The following HEATR4 variants were observed in gnomAD, a reference collection of about 807,000 sequenced individuals.
HEATR4 encodes HEAT repeat containing 4, also known as HEAT repeat-containing protein 4.
HEATR4 carries 95 observed loss-of-function variants against 108.8 expected under a neutral mutation model. That is an observed-to-expected ratio of 0.87 (90% CI 0.74 to 1.04). HEATR4 has a LOEUF of 1.04. Among genes scored for constraint, HEATR4 ranks in the 50% least tolerant of loss-of-function variants. The pLI is 0.00. For missense variants in HEATR4, 1,152 were observed against 1,253.8 expected (o/e 0.92, Z 1.23); for synonymous variants, 443 against 459.4 (o/e 0.96, Z 0.46).
At chr14:73,561,324 C>T (rs1436923581), upstream of HEATR4, among the ~76,000 whole-genome samples, 1 of 151,092 alleles carries the variant, frequency 6.6e-6, no homozygotes, top group Admixed American at 6.6e-5. Context: ...CAAGATCTCG[C>T]CATTGTGGTC....
At position 73,478,603 on chromosome 14, in the gene HEATR4, A is replaced by T. The variant is rs1885105619; in HGVS notation, c.*3T>A. The T allele has an allele frequency of 1.9e-6, 3 of 1,594,196 alleles. No individual in the cohort carries two copies. The highest frequency in any genetic ancestry group is 2.6e-6 in the Non-Finnish European group (3 of 1,162,782). ...GCATCTTGAAGTAAGACAAGTGTTCAGCTTAGAGATGAGCACCTTTCTTTC... is the reference window on the plus strand; with the variant it reads ...GCATCTTGAAGTAAGACAAGTGTTCTGCTTAGAGATGAGCACCTTTCTTTC... On this transcript the variant is annotated 3_prime_UTR_variant, in exon 18 of 18. Coordinates refer to ENST00000553558, the MANE Select transcript of HEATR4 (RefSeq NM_001220484.1).
rs1488314482 is a variant in HEATR4, at chr14:73,532,019, T to C, written c.-151-1775A>G. On this transcript the variant is annotated intron_variant, in intron 1 of 17. Coordinates refer to ENST00000553558, the MANE Select transcript of HEATR4 (RefSeq NM_001220484.1). ...TGCACTCCAGCCTGGGCAGCAAGAG[T>C]GAAGTGCAGTCTCAAAAAATAAAAA... Among the ~76,000 whole-genome samples the C allele has an allele frequency of 6.2e-5, 7 of 112,472 alleles. 3 individuals are homozygous for C. The highest frequency in any genetic ancestry group is 1.4e-4 in the Non-Finnish European group (7 of 51,790). 73.8% of individuals were successfully genotyped at this position (112,472 alleles called of 152,430 possible).
chr14:73,569,651 T>G, the HEATR4 span: 1 of 1,605,598 alleles, frequency 6.2e-7, no homozygotes, highest in Admixed American at 1.7e-5. Context: ...TCGCGGGGCT[T>G]GAGCCCATGG....
At position 73,506,507 on chromosome 14, in the gene HEATR4, G is replaced by A. The variant is rs1241289456; in HGVS notation, c.1946C>T (p.Ala649Val). The A allele has an allele frequency of 3.7e-6, 6 of 1,613,772 alleles. No homozygotes were observed. The East Asian group carries it at 1.1e-4, about 30-fold the overall frequency. ...NSCQWKNRIV[A>V]CQAFSRISGN... Reference sequence around the variant, plus strand: ...ACTGATCCGGGAGAAAGCCTGGCAGGCCACAATCCGGTTCTTCCATTGACA... The same window carrying A: ...ACTGATCCGGGAGAAAGCCTGGCAGACCACAATCCGGTTCTTCCATTGACA... Residue 649 changes from alanine to valine, a missense_variant, in exon 10 of 18, where the codon GCC (alanine) becomes GTC (valine). Physicochemically the swap from Ala to Val is moderately conservative, Grantham distance 64. Transcript: ENST00000553558.
intron 17 of HEATR4, chr14:73,490,841 C>G: frequency 1.7e-6 from 1 of 601,848 alleles, no homozygotes; most frequent in East Asian, 3.5e-5. Context: ...AGCTTGAAGC[C>G]AAACATTTAA....
At chr14:73,576,943 T>C in the HEATR4 span, among the ~76,000 whole-genome samples, 1 of 146,354 alleles carries the variant, frequency 6.8e-6, no homozygotes, top group Non-Finnish European at 1.5e-5. Flanking sequence ...TTTTTTTTTT[T>C]TTTTTGAGAG....
chr14:73,601,463 C>A, the HEATR4 span, among the ~76,000 whole-genome samples: 1 of 152,160 alleles, frequency 6.6e-6, no homozygotes, highest in Non-Finnish European at 1.5e-5. Flanking sequence ...ACTTGGGAGG[C>A]TAAAACAGGA....
chr14:73,492,583 T>G lies in HEATR4; in HGVS notation c.2844+483A>C. 2 of 1,613,906 alleles carry G rather than the reference T, an allele frequency of 1.2e-6. No homozygotes were observed. The highest frequency in any genetic ancestry group is 1.7e-6 in the Non-Finnish European group (2 of 1,179,854). Reference sequence around the variant, plus strand: ...TGACTGATAGGGAGAGGGCACTAAGTGTTTACGGGCTTCCAATTCGCTGGG... The same window carrying G: ...TGACTGATAGGGAGAGGGCACTAAGGGTTTACGGGCTTCCAATTCGCTGGG... On this transcript the variant is annotated intron_variant, in intron 17 of 17. Transcript: ENST00000553558. This position sits in a 1 kb window ranked among gnomAD's most constrained non-coding sequence, Gnocchi z 4.9.
the HEATR4 span, chr14:73,569,503 T>C: frequency 3.3e-5 from 53 of 1,610,862 alleles, 2 homozygotes; most frequent in Admixed American, 7.7e-4. Flanking sequence ...GTGCGCGGCC[T>C]AGCCCCGGAG....
At chr14:73,568,323 GC>G in the HEATR4 span, among the ~76,000 whole-genome samples, 1 of 150,874 alleles carries the variant, frequency 6.6e-6, no homozygotes, top group Non-Finnish European at 1.5e-5. Context: ...AGGTACAAGG[GC>G]TTGGCAGGGG....
At chr14:73,590,919 G>A in the HEATR4 span, among the ~76,000 whole-genome samples, 1 of 152,190 alleles carries the variant, frequency 6.6e-6, no homozygotes, top group African/African-American at 2.4e-5. Context: ...CTCAAGCGCG[G>A]CCAGAGTGGG....
upstream of HEATR4, among the ~76,000 whole-genome samples, chr14:73,563,546 G>A (rs1201669795): frequency 6.6e-6 from 1 of 152,078 alleles, no homozygotes; most frequent in Non-Finnish European, 1.5e-5. Context: ...AGTGAGCTGA[G>A]ATCGCGCCAC....
At position 73,537,865 on chromosome 14, in the gene HEATR4, C is replaced by T. The variant is rs780322881; in HGVS notation, c.-151-7621G>A. The T allele has an allele frequency of 1.7e-6, 2 of 1,199,022 alleles. 1 individual carries two copies. Among genetic ancestry groups the T allele is most frequent in the Admixed American group, 5.9e-5 (2 of 34,134 alleles). 74.3% of individuals were successfully genotyped at this position (1,199,022 alleles called of 1,614,324 possible). On this transcript the variant is annotated intron_variant, in intron 1 of 17. Coordinates refer to ENST00000553558, the MANE Select transcript of HEATR4 (RefSeq NM_001220484.1). The stretch of plus-strand genomic sequence containing the variant: ...GCGCGGGCCGGGTGCGAGGCACGCT[C>T]TTCCTGCCGCCAGGTGACTCACCTC...
chr14:73,589,292 C>T, the HEATR4 span, among the ~76,000 whole-genome samples: 1 of 150,932 alleles, frequency 6.6e-6, no homozygotes, highest in African/African-American at 2.5e-5. Context: ...AATACTTTTG[C>T]TTTCTCTCTT....
At chr14:73,584,784 A>T in the HEATR4 span, among the ~76,000 whole-genome samples, 13 of 147,874 alleles carry the variant, frequency 8.8e-5, no homozygotes, top group African/African-American at 3.2e-4. Context: ...CCATTTTTTG[A>T]GACCCTACCA....
Position 73,500,671 on chromosome 14 carries a change from T to A in HEATR4, c.2165A>T (p.Glu722Val). 3.1e-6 allele frequency: 5 copies of A among 1,614,188 alleles called. No homozygotes were observed. Among genetic ancestry groups the A allele is most frequent in the Non-Finnish European group, 4.2e-6 (5 of 1,180,016 alleles). ...ERVEALYLIGELKLMTAKLLP... is the reference protein window; with the variant it reads ...ERVEALYLIGVLKLMTAKLLP... Reference sequence around the variant, plus strand: ...AAGCTTGGCGGTCATAAGCTTGAGCTCACCTATCAGGTAGAGAGCTTCCAC... The same window carrying A: ...AAGCTTGGCGGTCATAAGCTTGAGCACACCTATCAGGTAGAGAGCTTCCAC... The change falls in exon 12 of 18, where the codon GAG becomes GTG. Residue 722 changes from glutamate to valine, a missense_variant. Glu to Val is a moderately radical substitution (Grantham distance 121). Transcript: ENST00000553558.
At chr14:73,488,411 CA>C (rs1226902116) in intron 17 of HEATR4, among the ~76,000 whole-genome samples, 2 of 152,098 alleles carry the variant, frequency 1.3e-5, no homozygotes, top group African/African-American at 4.8e-5. Context: ...GCTGGGATGA[CA>C]GGGGCGTGCC....
At chr14:73,617,073 C>A in the HEATR4 span, 1 of 1,446,738 alleles carries the variant, frequency 6.9e-7, no homozygotes, top group Non-Finnish European at 9.7e-7. Context: ...CCTGGCCGGA[C>A]ATGGTTTTGC....
In HEATR4 at chr14:73,531,094, T is replaced by C. The variant is rs1216754471; in HGVS notation, c.-151-850A>G. ...CTCAGGTTGCCCCTCATCTTCCAGC[T>C]GACACCATCCAGCACCTTTCAGATA... On this transcript the variant is annotated intron_variant, in intron 1 of 17. Coordinates refer to ENST00000553558, the MANE Select transcript of HEATR4 (RefSeq NM_001220484.1). 1.8e-5 allele frequency: 2 copies of C among 110,676 alleles called. 1 individual carries two copies. Among genetic ancestry groups the C allele is most frequent in the Non-Finnish European group, 3.9e-5 (2 of 51,422 alleles). The allele number at this position is 110,676 out of a possible 1,614,324, so 6.9% of individuals were successfully genotyped here.
Sources: gnomAD v4.1 joint callset for allele counts (sites outside exome capture counted in the v4.1 genomes callset) on GRCh38, gnomAD v4.1.1 for gene constraint, Gnocchi (gnomAD v3.1) non-coding constraint, MANE v1.5 for transcripts, NCBI Gene and HGNC (gene_info 2026-07-23, HGNC 2026-07-21) for gene names.